Variants in ZNF385D observed in about 807,000 individuals in gnomAD.
ZNF385D encodes the protein zinc finger protein 385D.
Under a neutral mutation model 35.8 loss-of-function variants are expected in ZNF385D, and 15 were observed. The observed-to-expected ratio is 0.42, with a 90% CI of 0.28 to 0.64. The LOEUF is 0.64. Ranked by LOEUF, ZNF385D falls within the 30% of genes least tolerant of loss-of-function variation. The probability of loss-of-function intolerance (pLI) is 0.23; values close to 1 mark genes in which losing one functional copy is unlikely to be tolerated. For missense variants in ZNF385D, 474 were observed against 494.6 expected, an observed-to-expected ratio of 0.96 and a Z score of 0.39; for synonymous variants, 212 against 186.8, an observed-to-expected ratio of 1.13 and a Z score of -1.10.
Position 21,724,495 on chromosome 3 carries a change from A to C in ZNF385D, c.22+26400T>G, listed in dbSNP as rs1217688149. Reference sequence around the variant, plus strand: ...GGAAAGCCAAAAAAAAAAAAAAAAAAAAAAAAAAAAAAAAAAAAAAAAAGC... The same window carrying C: ...GGAAAGCCAAAAAAAAAAAAAAAAACAAAAAAAAAAAAAAAAAAAAAAAGC... On this transcript the variant is annotated intron_variant, in intron 1 of 7. Transcript: ENST00000281523. Among the ~76,000 whole-genome samples the C allele has an allele frequency of 3.6e-4, 30 of 83,090 alleles. 1 individual carries two copies. In the South Asian group the frequency reaches 6.8e-3, roughly 19 times the overall value. The allele number at this position is 83,090 out of a possible 152,430, so 54.5% of individuals were successfully genotyped here. A position where few individuals can be genotyped will look rare whatever the true frequency, so the allele number is the denominator to read the frequency against.
intron 2 of ZNF385D, among the ~76,000 whole-genome samples, chr3:22,308,593 G>A: frequency 6.6e-6 from 1 of 151,998 alleles, no homozygotes; most frequent in South Asian, 2.1e-4. Context: ...GCTCAGAAAG[G>A]GTAGACACAC....
chr3:21,892,907 GAGTA>G (rs1698946318), intron 3 of ZNF385D, among the ~76,000 whole-genome samples: 1 of 152,176 alleles, frequency 6.6e-6, no homozygotes, highest in Non-Finnish European at 1.5e-5. Context: ...CAGAATGTCA[GAGTA>G]AGTGACATAT....
At chr3:22,050,157 G>A (rs1699257912) in intron 3 of ZNF385D, among the ~76,000 whole-genome samples, 1 of 151,674 alleles carries the variant, frequency 6.6e-6, no homozygotes, top group Admixed American at 6.6e-5. Context: ...TTTGAGCCCA[G>A]GAGTTTGAGA....
At chr3:21,711,004 C>T (rs1169977054) in intron 1 of ZNF385D, among the ~76,000 whole-genome samples, 2 of 147,688 alleles carry the variant, frequency 1.4e-5, no homozygotes. Flanking sequence ...GCAACTTAAA[C>T]CTCTCTAGGT....
At chr3:22,024,528 G>C (rs1171337253) in intron 3 of ZNF385D, among the ~76,000 whole-genome samples, 1 of 151,930 alleles carries the variant, frequency 6.6e-6, no homozygotes, top group East Asian at 1.9e-4. Context: ...AGAACTAATA[G>C]TATAATAGTT....
At chr3:21,580,874 T>C (rs924308798) in intron 2 of ZNF385D, among the ~76,000 whole-genome samples, 1 of 152,130 alleles carries the variant, frequency 6.6e-6, no homozygotes, top group African/African-American at 2.4e-5. Context: ...ACCCACCAAT[T>C]CCCTAGAAAA....
At chr3:22,242,320 C>T (rs1384333580) in intron 2 of ZNF385D, among the ~76,000 whole-genome samples, 1 of 151,064 alleles carries the variant, frequency 6.6e-6, no homozygotes, top group Non-Finnish European at 1.5e-5. Context: ...GAAACCATAA[C>T]AATTTATTCT....
intron 2 of ZNF385D, among the ~76,000 whole-genome samples, chr3:22,232,460 T>G (rs1048685085): frequency 6.6e-6 from 1 of 152,144 alleles, no homozygotes; most frequent in Admixed American, 6.6e-5. Context: ...TAGGTATACA[T>G]ACACGTGCCA....
chr3:22,342,893 T>A (rs555152292), intron 2 of ZNF385D, among the ~76,000 whole-genome samples: 1 of 152,226 alleles, frequency 6.6e-6, no homozygotes, highest in Non-Finnish European at 1.5e-5. Flanking sequence ...AGATACCTAA[T>A]AATCTAAAGC....
intron 3 of ZNF385D, among the ~76,000 whole-genome samples, chr3:21,857,228 T>G (rs967564826): frequency 6.6e-5 from 10 of 152,074 alleles, no homozygotes; most frequent in African/African-American, 2.4e-4. Flanking sequence ...AGTTAGTTAT[T>G]TTTTCTATAT....
At chr3:21,541,306 T>C (rs2062169882) in intron 3 of ZNF385D, among the ~76,000 whole-genome samples, 1 of 152,142 alleles carries the variant, frequency 6.6e-6, no homozygotes, top group Non-Finnish European at 1.5e-5. Flanking sequence ...CTACACAGAT[T>C]TGGGGGCAGA....
intron 2 of ZNF385D, among the ~76,000 whole-genome samples, chr3:22,321,160 C>CGTTT (rs1694399722): frequency 8.5e-6 from 1 of 117,036 alleles, no homozygotes; most frequent in Non-Finnish European, 1.8e-5. Context: ...ACACTTATGA[C>CGTTT]CTTGTTTTTT....
intron 3 of ZNF385D, among the ~76,000 whole-genome samples, chr3:21,940,670 T>C (rs966938608): frequency 3.3e-5 from 5 of 152,182 alleles, no homozygotes; most frequent in Non-Finnish European, 1.5e-5. Flanking sequence ...TAGTTCACTA[T>C]ATTTCAATGC....
chr3:21,576,686 C>A (rs1003483285), intron 2 of ZNF385D, among the ~76,000 whole-genome samples: 13 of 152,084 alleles, frequency 8.5e-5, no homozygotes, highest in Non-Finnish European at 1.0e-4. Flanking sequence ...TTATTCCTTT[C>A]CCTGGAACCC....
At chr3:21,845,320 T>C (rs1411282509) in intron 3 of ZNF385D, among the ~76,000 whole-genome samples, 2 of 152,054 alleles carry the variant, frequency 1.3e-5, no homozygotes, top group African/African-American at 2.4e-5. Context: ...TGGAATATAA[T>C]AGCAATGATA....
chr3:21,725,176 T>G (rs527569436), intron 1 of ZNF385D, among the ~76,000 whole-genome samples: 3 of 152,194 alleles, frequency 2.0e-5, no homozygotes, highest in Admixed American at 6.5e-5. Flanking sequence ...GGGACACATT[T>G]AAAGCAGCGT....
At chr3:22,279,726 G>T (rs1701640549) in intron 2 of ZNF385D, among the ~76,000 whole-genome samples, 1 of 151,456 alleles carries the variant, frequency 6.6e-6, no homozygotes. Context: ...TTACAATTAT[G>T]AATTCTGCTG....
intron 2 of ZNF385D, among the ~76,000 whole-genome samples, chr3:22,342,961 C>T (rs759288634): frequency 6.6e-6 from 1 of 152,136 alleles, no homozygotes; most frequent in East Asian, 1.9e-4. Flanking sequence ...TAAAACATGA[C>T]CAGTCCAAAT....
chr3:21,549,281 T>C (rs1178225241), intron 3 of ZNF385D, among the ~76,000 whole-genome samples: 3 of 152,182 alleles, frequency 2.0e-5, no homozygotes, highest in Admixed American at 1.3e-4. Context: ...TGACCTAATA[T>C]TGGGGTTTTA....
Sources: allele counts gnomAD v4.1 joint callset (sites outside exome capture counted in the v4.1 genomes callset), GRCh38; gene constraint gnomAD v4.1.1; transcripts MANE v1.5; gene names NCBI Gene and HGNC (gene_info 2026-07-23, HGNC 2026-07-21).